TBCD: variants seen among roughly 807,000 people sequenced by gnomAD.
The protein encoded by TBCD is tubulin-specific chaperone D.
In TBCD, 105 loss-of-function variants were observed where a neutral mutation model predicts 169.3. The observed-to-expected ratio is 0.62, with a 90% CI of 0.53 to 0.73. TBCD has a LOEUF of 0.73. Among genes scored for constraint, TBCD ranks in the 30% least tolerant of loss-of-function variants. The pLI, the probability that TBCD is intolerant of heterozygous loss-of-function variation, is 0.00. For synonymous variants in TBCD, 700 were observed against 643.9 expected, an observed-to-expected ratio of 1.09 and a Z score of -1.32; for missense variants, 1,444 against 1,600.1, an observed-to-expected ratio of 0.90 and a Z score of 1.66.
chr17:82,926,994 G>C (rs944456956), intron 28 of TBCD, 192 bp from the exon 29 acceptor site: 2 of 764,482 alleles, frequency 2.6e-6, no homozygotes, highest in Admixed American at 3.0e-5. Flanking sequence ...AGAGACGGCA[G>C]AGCGTGACCT....
intron 20 of TBCD, among the ~76,000 whole-genome samples, chr17:82,907,420 C>T (rs188916225): frequency 7.2e-5 from 11 of 152,208 alleles, no homozygotes; most frequent in African/African-American, 1.7e-4. Context: ...TAGTGGCTCA[C>T]GCCTGTAATC....
At chr17:82,914,935 C>T (rs1203233094) in intron 23 of TBCD, among the ~76,000 whole-genome samples, 1 of 152,250 alleles carries the variant, frequency 6.6e-6, no homozygotes, top group Non-Finnish European at 1.5e-5. Context: ...CCGCATCTCC[C>T]AGTCCCACAT....
At chr17:82,942,201 A>G in intron 38 of TBCD, 1 of 553,784 alleles carries the variant, frequency 1.8e-6, no homozygotes, top group South Asian at 2.6e-5. Flanking sequence ...GTGTGAATGC[A>G]GGTTAAGAGC....
intron 3 of TBCD, among the ~76,000 whole-genome samples, chr17:82,765,680 G>C (rs937021304): frequency 2.6e-5 from 4 of 152,204 alleles, no homozygotes; most frequent in African/African-American, 4.8e-5. Context: ...TGAGCTTCAG[G>C]GAAGTGTTAA....
At chr17:82,870,170 A>C in intron 13 of TBCD, 54 bp from the exon 14 acceptor site, 1 of 1,607,904 alleles carries the variant, frequency 6.2e-7, no homozygotes, top group Non-Finnish European at 8.5e-7. Flanking sequence ...CTGAAGCCTC[A>C]CGTGTTGCCC....
At chr17:82,863,862 C>T (rs1274444546) in intron 13 of TBCD, among the ~76,000 whole-genome samples, 1 of 152,090 alleles carries the variant, frequency 6.6e-6, no homozygotes, top group African/African-American at 2.4e-5. Flanking sequence ...TAGCAGGGGC[C>T]CAGTTCAGTC....
Position 82,752,200 on chromosome 17 carries a change from C to A in TBCD, c.7C>A (p.Leu3Met). Residue 3 changes from leucine (L) to methionine (M), a missense_variant, in exon 1 of 39, where the codon CTG becomes ATG. Coordinates refer to ENST00000355528, the MANE Select transcript of TBCD (RefSeq NM_005993.5). ...CGGTCCCCAGGCTGCCGAGATGGCC[C>A]TGAGCGACGAACCGGCCGCGGGCGG... MA[L>M]SDEPAAGGPE... 6.6e-7 allele frequency: 1 copy of A among 1,522,034 alleles called. No homozygotes were observed. 94.3% of individuals were successfully genotyped at this position (1,522,034 alleles called of 1,614,324 possible).
chr17:82,856,867 C>T (rs535676982), intron 13 of TBCD, among the ~76,000 whole-genome samples: 3 of 139,248 alleles, frequency 2.2e-5, no homozygotes, highest in African/African-American at 5.7e-5. Flanking sequence ...ATCGCTGGAC[C>T]GCGTGCGGAC....
At chr17:82,812,112 C>T (rs916651002) in intron 12 of TBCD, among the ~76,000 whole-genome samples, 5 of 152,036 alleles carry the variant, frequency 3.3e-5, no homozygotes, top group Admixed American at 6.5e-5. Context: ...TAGGAAGTAG[C>T]GCCAGACCCC....
At chr17:82,786,741 G>C (rs116215212) in intron 7 of TBCD, among the ~76,000 whole-genome samples, 213 of 152,200 alleles carry the variant, frequency 1.4e-3, no homozygotes, top group Admixed American at 3.2e-3. Flanking sequence ...GCAGGGCTCC[G>C]AGTCCTTCTC....
chr17:82,777,638 C>T (rs1263856909), intron 6 of TBCD, among the ~76,000 whole-genome samples: 1 of 152,242 alleles, frequency 6.6e-6, no homozygotes, highest in Non-Finnish European at 1.5e-5. Context: ...TTCTGCTTAT[C>T]AGAGACTTTT....
rs531224422 is a variant in TBCD, at chr17:82,880,696, C to T, written c.1476-3449C>T. ...TCAGCAGGAACTGCAGGGTCCCTACCGCAGGCTCCCCACACAGTGACACCT... is the reference window on the plus strand; with the variant it reads ...TCAGCAGGAACTGCAGGGTCCCTACTGCAGGCTCCCCACACAGTGACACCT... On this transcript the variant is annotated intron_variant, in intron 14 of 38. Coordinates refer to ENST00000355528, the MANE Select transcript of TBCD (RefSeq NM_005993.5). This position sits in a 1 kb window ranked among gnomAD's most constrained non-coding sequence, Gnocchi z 5.0. 1.7e-4 allele frequency among the ~76,000 whole-genome samples: 26 copies of T among 152,172 alleles called. No homozygotes were observed. The highest frequency in any genetic ancestry group is 4.8e-4 in the African/African-American group (20 of 41,488).
intron 5 of TBCD, among the ~76,000 whole-genome samples, chr17:82,768,811 G>C (rs1324742173): frequency 6.6e-6 from 1 of 152,168 alleles, no homozygotes; most frequent in Non-Finnish European, 1.5e-5. Context: ...AATCATGGCA[G>C]ATAAGGAAGG....
At position 82,880,954 on chromosome 17, in the gene TBCD, G is replaced by A. The variant is rs1555628754; in HGVS notation, c.1476-3191G>A. Among the ~76,000 whole-genome samples the A allele has an allele frequency of 6.6e-6, 1 of 152,194 alleles. No homozygotes were observed. The highest frequency in any genetic ancestry group is 1.5e-5 in the Non-Finnish European group (1 of 68,032). ...GGGAAGGAGGCCGTGTACTCCCATAGCTCTGGGCTCTGTTTGTGGCTGTGG... is the reference window on the plus strand; with the variant it reads ...GGGAAGGAGGCCGTGTACTCCCATAACTCTGGGCTCTGTTTGTGGCTGTGG... On this transcript the variant is annotated intron_variant, in intron 14 of 38. Transcript: ENST00000355528. The surrounding 1 kb of genome is among the most constrained non-coding windows in gnomAD (Gnocchi z 5.0).
At chr17:82,825,759 G>A (rs948841915) in intron 13 of TBCD, among the ~76,000 whole-genome samples, 1 of 152,222 alleles carries the variant, frequency 6.6e-6, no homozygotes, top group Non-Finnish European at 1.5e-5. Flanking sequence ...TCACTCATCT[G>A]AATAAATCTG....
chr17:82,764,532 C>A (rs1385252547), intron 3 of TBCD, among the ~76,000 whole-genome samples: 1 of 152,138 alleles, frequency 6.6e-6, no homozygotes, highest in East Asian at 1.9e-4. Context: ...GTAATCCCAG[C>A]TGCTTGGGAG....
chr17:82,934,530 T>G (rs1203090482), intron 34 of TBCD, among the ~76,000 whole-genome samples: 1 of 152,116 alleles, frequency 6.6e-6, no homozygotes, highest in Non-Finnish European at 1.5e-5. Context: ...TGGAGTGAAT[T>G]GGTGCGATCT....
At position 82,920,518 on chromosome 17, in the gene TBCD, AG is replaced by A; in HGVS notation, c.2039-37del. Reference sequence around the variant, plus strand: ...CCGCTGTGGCAGGCGCTTTTAGAAAAGTAACATTGCGTCTATCCTTTTTTTT... The same window carrying A: ...CCGCTGTGGCAGGCGCTTTTAGAAAATAACATTGCGTCTATCCTTTTTTTT... On this transcript the variant is annotated intron_variant, in intron 23 of 38. Transcript: ENST00000355528. The surrounding 1 kb of genome is among the most constrained non-coding windows in gnomAD (Gnocchi z 4.1). 1 of 1,512,212 alleles carries A rather than the reference AG, an allele frequency of 6.6e-7. No individual in the cohort carries two copies. The highest frequency in any genetic ancestry group is 8.8e-7 in the Non-Finnish European group (1 of 1,131,720). 93.7% of individuals were successfully genotyped at this position (1,512,212 alleles called of 1,614,324 possible). A position where few individuals can be genotyped will look rare whatever the true frequency, so the allele number is the denominator to read the frequency against.
intron 13 of TBCD, among the ~76,000 whole-genome samples, chr17:82,852,265 C>T (rs998797373): frequency 1.3e-5 from 2 of 151,910 alleles, no homozygotes; most frequent in African/African-American, 4.8e-5. Flanking sequence ...CTCCTTGCCC[C>T]GAGCGTGGCG....
Sources: gnomAD v4.1 joint callset for allele counts (sites outside exome capture counted in the v4.1 genomes callset) on GRCh38, gnomAD v4.1.1 for gene constraint, Gnocchi (gnomAD v3.1) non-coding constraint, MANE v1.5 for transcripts, NCBI Gene and HGNC (gene_info 2026-07-23, HGNC 2026-07-21) for gene names.